EPM2A: variants seen among roughly 807,000 people sequenced by gnomAD.
EPM2A encodes the protein EPM2A glucan phosphatase, laforin.
A neutral mutation model predicts 26.5 loss-of-function variants in EPM2A; 21 were observed. The observed-to-expected ratio is 0.79, with a 90% CI of 0.56 to 1.14. EPM2A has a LOEUF of 1.14. Ranked by LOEUF, EPM2A falls within the 50% of genes most tolerant of loss-of-function variation. The probability of loss-of-function intolerance (pLI) is 0.00; values close to 1 mark genes in which losing one functional copy is unlikely to be tolerated. For synonymous variants in EPM2A, 217 were observed against 177.6 expected (o/e 1.22, Z -1.76); for missense variants, 458 against 440.8 (o/e 1.04, Z -0.35).
At chr6:145,583,360 G>A (rs1582874556) in intron 2 of EPM2A, among the ~76,000 whole-genome samples, 3 of 152,250 alleles carry the variant, frequency 2.0e-5, no homozygotes, top group East Asian at 3.9e-4. Flanking sequence ...TGCCCTTGGG[G>A]TTTTGATTGT....
At chr6:145,645,221 A>G (rs1272958859) in intron 2 of EPM2A, among the ~76,000 whole-genome samples, 1 of 152,216 alleles carries the variant, frequency 6.6e-6, no homozygotes, top group Non-Finnish European at 1.5e-5. Flanking sequence ...AATTTTTATC[A>G]ACTAAAATTG....
downstream of EPM2A, among the ~76,000 whole-genome samples, chr6:145,621,191 GT>G (rs1775625313): frequency 6.6e-6 from 1 of 152,164 alleles, no homozygotes; most frequent in Non-Finnish European, 1.5e-5. Context: ...AGATTATGAA[GT>G]ATTTGTCTTT....
intron 4 of EPM2A, among the ~76,000 whole-genome samples, chr6:145,485,723 A>G (rs1269400667): frequency 6.6e-6 from 1 of 152,200 alleles, no homozygotes; most frequent in Non-Finnish European, 1.5e-5. Context: ...TGATGCTGAT[A>G]AAGACATACC....
At chr6:145,609,275 A>T (rs1417412802) in intron 2 of EPM2A, among the ~76,000 whole-genome samples, 1 of 152,210 alleles carries the variant, frequency 6.6e-6, no homozygotes, top group Non-Finnish European at 1.5e-5. Context: ...GAATTAAGTC[A>T]GCCGCCAATA....
intron 2 of EPM2A, among the ~76,000 whole-genome samples, chr6:145,536,271 GTTTTT>G (rs1780429803): frequency 2.2e-5 from 1 of 46,498 alleles, no homozygotes; most frequent in African/African-American, 7.1e-5. Context: ...TTTTGTTTTT[GTTTTT>G]GTTTTGGTTT....
chr6:145,646,813 C>G (rs1162538332), intron 2 of EPM2A, among the ~76,000 whole-genome samples: 1 of 152,040 alleles, frequency 6.6e-6, no homozygotes, highest in African/African-American at 2.4e-5. Flanking sequence ...ATGAACTCAT[C>G]TTCATTCTCT....
intron 4 of EPM2A, among the ~76,000 whole-genome samples, chr6:145,466,563 A>T (rs950329930): frequency 6.6e-6 from 1 of 152,048 alleles, no homozygotes; most frequent in African/African-American, 2.4e-5. Context: ...AACTAGTTCA[A>T]CCCTTGTGGA....
intron 4 of EPM2A, among the ~76,000 whole-genome samples, chr6:145,430,644 C>T (rs762441288): frequency 4.0e-4 from 60 of 151,714 alleles, no homozygotes; most frequent in Non-Finnish European, 6.5e-4. Flanking sequence ...GAGGCAAAAA[C>T]CTAGCAATAA....
At chr6:145,627,905 G>A (rs894259194) in intron 3 of EPM2A, 3 of 654,810 alleles carry the variant, frequency 4.6e-6, no homozygotes, top group Non-Finnish European at 7.8e-6. Context: ...GAGGCCAGAG[G>A]CTCTCTCTAA....
intron 4 of EPM2A, among the ~76,000 whole-genome samples, chr6:145,410,307 A>C (rs1275065411): frequency 6.6e-6 from 1 of 152,160 alleles, no homozygotes; most frequent in East Asian, 1.9e-4. Flanking sequence ...AAATGTAACA[A>C]AGAAAGAATG....
At chr6:145,663,664 C>T (rs1438507145) in intron 2 of EPM2A, among the ~76,000 whole-genome samples, 11 of 147,014 alleles carry the variant, frequency 7.5e-5, no homozygotes, top group Non-Finnish European at 1.0e-4. Context: ...ATACAGAGAA[C>T]GCCACAAAGA....
At chr6:145,403,720 C>A (rs776033922) in intron 4 of EPM2A, among the ~76,000 whole-genome samples, 19 of 152,080 alleles carry the variant, frequency 1.2e-4, no homozygotes, top group Non-Finnish European at 2.1e-4. Flanking sequence ...AGTGTTGCAA[C>A]AAACAGGAGT....
intron 2 of EPM2A, among the ~76,000 whole-genome samples, chr6:145,608,034 T>C (rs1289877335): frequency 6.6e-6 from 1 of 152,214 alleles, no homozygotes; most frequent in Non-Finnish European, 1.5e-5. Context: ...AGCAGTTCTT[T>C]AGCTGTGATG....
chr6:145,616,447 G>C (rs1353908018), intron 2 of EPM2A, among the ~76,000 whole-genome samples: 2 of 152,228 alleles, frequency 1.3e-5, no homozygotes, highest in Non-Finnish European at 2.9e-5. Flanking sequence ...CCTCTGCTAG[G>C]GCAGCGAGGA....
intron 4 of EPM2A, among the ~76,000 whole-genome samples, chr6:145,435,461 T>C (rs1482156317): frequency 2.0e-5 from 3 of 149,992 alleles, no homozygotes; most frequent in African/African-American, 4.9e-5. Context: ...ACAATTATTT[T>C]CATGTAATAC....
intron 2 of EPM2A, among the ~76,000 whole-genome samples, chr6:145,540,369 T>A (rs190327590): frequency 1.3e-5 from 2 of 152,316 alleles, no homozygotes; most frequent in Non-Finnish European, 2.9e-5. Flanking sequence ...CCAAAATTAC[T>A]TTAACCCCTG....
chr6:145,582,386 T>C (rs764150153), intron 2 of EPM2A, among the ~76,000 whole-genome samples: 1 of 152,190 alleles, frequency 6.6e-6, no homozygotes, highest in African/African-American at 2.4e-5. Context: ...GTATGTGCCA[T>C]GCACAGAGAA....
intron 4 of EPM2A, among the ~76,000 whole-genome samples, chr6:145,386,893 T>C (rs1778269276): frequency 6.6e-6 from 1 of 152,220 alleles, no homozygotes; most frequent in African/African-American, 2.4e-5. Context: ...AACAGAAATC[T>C]ACTTAAAGTA....
intron 2 of EPM2A, among the ~76,000 whole-genome samples, chr6:145,559,262 C>G (rs959256592): frequency 6.6e-6 from 1 of 152,034 alleles, no homozygotes; most frequent in Non-Finnish European, 1.5e-5. Flanking sequence ...TGCCTAGAGC[C>G]TAGGGCATTA....
Sources: allele counts gnomAD v4.1 joint callset (sites outside exome capture counted in the v4.1 genomes callset), GRCh38; gene constraint gnomAD v4.1.1; transcripts MANE v1.5; gene names NCBI Gene and HGNC (gene_info 2026-07-23, HGNC 2026-07-21).